Variants in ERBB4 observed in about 807,000 individuals in gnomAD.
ERBB4 encodes receptor tyrosine-protein kinase erbB-4.
In ERBB4, 42 loss-of-function variants were observed where a neutral mutation model predicts 158.0. The observed-to-expected ratio is 0.27, with a 90% CI of 0.21 to 0.34. The LOEUF (loss-of-function observed/expected upper bound fraction) is 0.34, where lower values mean the gene tolerates loss of function less well. ERBB4 is among the 10% of genes least tolerant of loss of function. ERBB4 has a pLI of 1.00. For missense variants in ERBB4, 1,333 were observed against 1,624.1 expected (o/e 0.82, Z 3.08); for synonymous variants, 583 against 558.7 (o/e 1.04, Z -0.61).
chr2:212,189,274 T>C (rs2082119977), intron 1 of ERBB4, among the ~76,000 whole-genome samples: 1 of 152,172 alleles, frequency 6.6e-6, no homozygotes, highest in Admixed American at 6.5e-5. Flanking sequence ...TTGAAATTAT[T>C]AGTGACTTAT....
chr2:212,237,158 A>G (rs2139971), intron 1 of ERBB4, among the ~76,000 whole-genome samples: 9,586 of 152,028 alleles, frequency 0.063, 360 homozygotes, highest in Non-Finnish European at 0.082. Flanking sequence ...AAGAAATATT[A>G]TCACTTTTGG....
At chr2:211,888,596 G>A (rs933666042) in intron 3 of ERBB4, among the ~76,000 whole-genome samples, 1 of 152,216 alleles carries the variant, frequency 6.6e-6, no homozygotes, top group Non-Finnish European at 1.5e-5. Context: ...CAGCGTGAGC[G>A]ACGCAGAAGA....
chr2:211,753,572 G>A (rs2075199317), intron 4 of ERBB4, among the ~76,000 whole-genome samples: 1 of 151,932 alleles, frequency 6.6e-6, no homozygotes, highest in Non-Finnish European at 1.5e-5. Context: ...AGAAGAGTTG[G>A]ATGAAAGCAG....
At chr2:211,438,253 T>C (rs1459568486) in intron 20 of ERBB4, among the ~76,000 whole-genome samples, 1 of 152,200 alleles carries the variant, frequency 6.6e-6, no homozygotes, top group Non-Finnish European at 1.5e-5. Context: ...CTGTAAAATA[T>C]GTCTATCTGA....
At chr2:212,427,162 TG>T (rs2091932281) in intron 1 of ERBB4, among the ~76,000 whole-genome samples, 1 of 152,148 alleles carries the variant, frequency 6.6e-6, no homozygotes, top group African/African-American at 2.4e-5. Context: ...GTAAATGATC[TG>T]TTATTTATGA....
intron 1 of ERBB4, among the ~76,000 whole-genome samples, chr2:212,184,494 ATCTT>A (rs1296553136): frequency 3.3e-5 from 5 of 152,102 alleles, no homozygotes; most frequent in African/African-American, 1.2e-4. Flanking sequence ...ATGCTTATAT[ATCTT>A]TCTAATAGTC....
chr2:212,328,801 G>A (rs2087989356), intron 1 of ERBB4, among the ~76,000 whole-genome samples: 1 of 151,870 alleles, frequency 6.6e-6, no homozygotes, highest in African/African-American at 2.4e-5. Flanking sequence ...ATTTTATATG[G>A]AAACATTTAG....
chr2:212,032,379 C>G (rs897867100), intron 2 of ERBB4, among the ~76,000 whole-genome samples: 1 of 151,942 alleles, frequency 6.6e-6, no homozygotes, highest in Non-Finnish European at 1.5e-5. Context: ...ATTAAATTGG[C>G]CACTAATAAA....
At chr2:211,436,512 A>G (rs73067266) in intron 20 of ERBB4, among the ~76,000 whole-genome samples, 2,155 of 152,314 alleles carry the variant, frequency 0.014, 53 homozygotes, top group African/African-American at 0.049. Context: ...GTTGTGAGGT[A>G]AATTAGCATA....
intron 1 of ERBB4, among the ~76,000 whole-genome samples, chr2:212,410,506 A>G (rs945632739): frequency 6.6e-6 from 1 of 152,018 alleles, no homozygotes; most frequent in Admixed American, 6.6e-5. Context: ...GAAAATCCTG[A>G]ACGGCATTAA....
intron 14 of ERBB4, among the ~76,000 whole-genome samples, chr2:211,672,307 CAGAT>C (rs1329200874): frequency 6.6e-6 from 1 of 152,054 alleles, no homozygotes; most frequent in African/African-American, 2.4e-5. Flanking sequence ...TTCAATAACA[CAGAT>C]AAACTGGAAA....
intron 4 of ERBB4, among the ~76,000 whole-genome samples, chr2:211,751,143 G>T (rs937952624): frequency 5.3e-5 from 8 of 152,108 alleles, no homozygotes; most frequent in Non-Finnish European, 1.2e-4. Flanking sequence ...ATGAGAACAA[G>T]AATATATTTT....
chr2:212,272,436 AT>A (rs1478658649), intron 1 of ERBB4, among the ~76,000 whole-genome samples: 1 of 151,738 alleles, frequency 6.6e-6, no homozygotes, highest in Non-Finnish European at 1.5e-5. Flanking sequence ...TGGCCGTTGA[AT>A]TGTGAAAAGG....
At chr2:212,320,491 A>C in intron 1 of ERBB4, among the ~76,000 whole-genome samples, 1 of 134,852 alleles carries the variant, frequency 7.4e-6, no homozygotes, top group South Asian at 2.6e-4. Context: ...AACAGGACTA[A>C]AGGAAAATGT....
intron 2 of ERBB4, among the ~76,000 whole-genome samples, chr2:212,003,181 GA>G (rs775317883): frequency 0.028 from 1,551 of 55,096 alleles, 176 homozygotes; most frequent in Non-Finnish European, 0.055. Context: ...AAGAAAGAAA[GA>G]AAGAAAGAAA....
Position 211,588,616 on chromosome 2 carries a change from AC to A in ERBB4, c.2302-26529del, listed in dbSNP as rs1350946212. ...TAAAATAAGTGCTATTATTATTACT[AC>A]CATTTTACAGATGATAAAACTTAAC... On this transcript the variant is annotated intron_variant, in intron 19 of 27. Coordinates refer to ENST00000342788, the MANE Select transcript of ERBB4 (RefSeq NM_005235.3). 2.0e-5 allele frequency among the ~76,000 whole-genome samples: 3 copies of A among 152,098 alleles called. No individual in the cohort carries two copies. The East Asian group carries it at 5.8e-4, about 29-fold the overall frequency.
intron 2 of ERBB4, among the ~76,000 whole-genome samples, chr2:212,021,138 C>G (rs1299675095): frequency 6.6e-6 from 1 of 151,986 alleles, no homozygotes; most frequent in African/African-American, 2.4e-5. Context: ...GTTTACTTTT[C>G]TCTTCTTACC....
chr2:212,108,363 T>C (rs7600270), intron 2 of ERBB4, among the ~76,000 whole-genome samples: 29,548 of 152,122 alleles, frequency 0.19, 6,195 homozygotes, highest in African/African-American at 0.53. Context: ...ATAGCTGAGA[T>C]GCTGGTTAAT....
chr2:212,502,044 C>T (rs1297723545), intron 1 of ERBB4, among the ~76,000 whole-genome samples: 1 of 152,056 alleles, frequency 6.6e-6, no homozygotes, highest in East Asian at 1.9e-4. Context: ...TAAAAATCAA[C>T]TTATTTCTGT....
Sources: gnomAD v4.1 joint callset for allele counts (sites outside exome capture counted in the v4.1 genomes callset) on GRCh38, gnomAD v4.1.1 for gene constraint, MANE v1.5 for transcripts, NCBI Gene and HGNC (gene_info 2026-07-23, HGNC 2026-07-21) for gene names.